CLUL1: variants seen among roughly 807,000 people sequenced by gnomAD.
CLUL1 encodes the protein clusterin-like protein 1.
CLUL1 carries 43 observed loss-of-function variants against 49.4 expected under a neutral mutation model. That is an observed-to-expected ratio of 0.87 (90% CI 0.68 to 1.12). The LOEUF is 1.12. Among genes scored for constraint, CLUL1 ranks in the 50% most tolerant of loss-of-function variants. The pLI, the probability that CLUL1 is intolerant of heterozygous loss-of-function variation, is 0.00. For missense variants in CLUL1, 486 were observed against 544.4 expected (o/e 0.89, Z 1.07); for synonymous variants, 192 against 184.9 (o/e 1.04, Z -0.31).
intron 2 of CLUL1, among the ~76,000 whole-genome samples, chr18:617,787 C>A (rs2073344928): frequency 6.6e-6 from 1 of 151,730 alleles, no homozygotes. Context: ...GAGTTTAAAC[C>A]AAATAGGGAC....
chr18:627,329 C>T lies in CLUL1; in HGVS notation c.656C>T (p.Ser219Leu). The change falls in exon 6 of 10, where the codon TCA becomes TTA. Residue 219 changes from serine (S) to leucine (L), a missense_variant. By Grantham distance (145) the Ser-to-Leu change is moderately radical. Transcript: ENST00000692774. ...CAGACTTTTCAATCACATTTCATATCAGATACAGACCTAACTGAGCCTTAC... is the reference window on the plus strand; with the variant it reads ...CAGACTTTTCAATCACATTTCATATTAGATACAGACCTAACTGAGCCTTAC... ...FDQTFQSHFI[S>L]DTDLTEPYFF... The T allele has an allele frequency of 2.5e-6, 4 of 1,614,026 alleles. No homozygotes were observed. The highest frequency in any genetic ancestry group is 3.4e-6 in the Non-Finnish European group (4 of 1,179,964).
chr18:639,148 C>T lies in CLUL1; in HGVS notation c.995-2179C>T, dbSNP rs184700799. ...AACTTAAAAACATGCTTCATACAGC[C>T]GGGTGTGGTGGCTCATGCCTGTAAT... On this transcript the variant is annotated intron_variant, in intron 7 of 9. Transcript: ENST00000692774. Among the ~76,000 whole-genome samples, 362 of 152,004 alleles carry T rather than the reference C, an allele frequency of 2.4e-3. 1 individual carries two copies. The highest frequency in any genetic ancestry group is 8.0e-3 in the African/African-American group (333 of 41,446).
chr18:625,164 T>C, intron 5 of CLUL1, 132 bp downstream of exon 5: 1 of 853,376 alleles, frequency 1.2e-6, no homozygotes, highest in Non-Finnish European at 1.8e-6. Flanking sequence ...TTCTAGAATC[T>C]AATACTAATG....
intron 3 of CLUL1, 87 bp from the exon 4 acceptor site, chr18:619,126 T>C: frequency 7.8e-7 from 1 of 1,289,326 alleles, no homozygotes; most frequent in Admixed American, 2.2e-5. Flanking sequence ...CAATTAAGCC[T>C]CTCTTTTGGA....
chr18:598,935 G>T (rs2072739047), intron 1 of CLUL1, among the ~76,000 whole-genome samples: 1 of 151,864 alleles, frequency 6.6e-6, no homozygotes, highest in African/African-American at 2.4e-5. Flanking sequence ...GTCCATTGTT[G>T]TCTGTTAACA....
At chr18:646,895 G>A (rs11665409) in intron 9 of CLUL1, among the ~76,000 whole-genome samples, 20,825 of 151,558 alleles carry the variant, frequency 0.14, 1,726 homozygotes, top group East Asian at 0.26. Context: ...GATTACAGGC[G>A]CACACCACCA....
chr18:637,082 G>A (rs142572432), intron 7 of CLUL1, among the ~76,000 whole-genome samples: 16,464 of 151,220 alleles, frequency 0.11, 1,127 homozygotes, highest in African/African-American at 0.19. Context: ...CGCCTTCTGG[G>A]TTCATGCCAT....
At chr18:629,137 C>T (rs1839491037) in intron 6 of CLUL1, among the ~76,000 whole-genome samples, 1 of 152,152 alleles carries the variant, frequency 6.6e-6, no homozygotes, top group African/African-American at 2.4e-5. Context: ...GTTCCATGAA[C>T]AGAGAACAGC....
rs781730115 is a variant in CLUL1 at position 618,000 on chromosome 18, C to T, written c.-1C>T. On this transcript the variant is annotated 5_prime_UTR_variant, in exon 3 of 10. Coordinates refer to ENST00000692774, the MANE Select transcript of CLUL1 (RefSeq NM_001393344.1). The stretch of plus-strand genomic sequence containing the variant: ...TTTTCCTTTGCAGTAACAGCGGGAA[C>T]ATGAAGCCGCCACTCTTGGTGTTTA... 4 of 1,613,904 alleles carry T rather than the reference C, an allele frequency of 2.5e-6. No homozygotes were observed. Among genetic ancestry groups the T allele is most frequent in the South Asian group, 1.1e-5 (1 of 91,040 alleles).
chr18:608,030 C>T (rs1220473412), intron 2 of CLUL1, among the ~76,000 whole-genome samples: 3 of 152,270 alleles, frequency 2.0e-5, no homozygotes, highest in Non-Finnish European at 2.9e-5. Context: ...GATGAACTGC[C>T]GTCCCGCCAC....
intron 4 of CLUL1, 127 bp downstream of exon 4, chr18:619,488 G>C (rs556527810): frequency 3.3e-6 from 3 of 911,842 alleles, no homozygotes; most frequent in South Asian, 4.8e-5. Flanking sequence ...GCTTTTATTT[G>C]AGGAAAAGTT....
intron 1 of CLUL1, among the ~76,000 whole-genome samples, chr18:601,760 G>A (rs1028072560): frequency 6.6e-6 from 1 of 152,022 alleles, no homozygotes; most frequent in African/African-American, 2.4e-5. Context: ...AGTGGGACGA[G>A]ATCGTGCCAC....
intron 9 of CLUL1, among the ~76,000 whole-genome samples, chr18:645,844 T>A (rs2074488793): frequency 3.5e-5 from 4 of 115,702 alleles, no homozygotes; most frequent in Admixed American, 9.3e-5. Context: ...TATATATATA[T>A]ATATATATGT....
chr18:597,150 C>T (rs947321044), intron 1 of CLUL1, 21 bp downstream of exon 1: 2 of 152,866 alleles, frequency 1.3e-5, no homozygotes, highest in African/African-American at 2.4e-5. Flanking sequence ...CCTCCGGGCC[C>T]CAGATTTCTC....
intron 8 of CLUL1, among the ~76,000 whole-genome samples, chr18:644,009 T>C (rs956122778): frequency 6.6e-6 from 1 of 152,210 alleles, no homozygotes; most frequent in Non-Finnish European, 1.5e-5. Context: ...TATTTCACCA[T>C]GTAAAGAAAA....
At chr18:615,221 T>C (rs552137481) in intron 2 of CLUL1, among the ~76,000 whole-genome samples, 87 of 152,286 alleles carry the variant, frequency 5.7e-4, no homozygotes, top group African/African-American at 2.0e-3. Flanking sequence ...AAGAACAAAA[T>C]GGCAGCTGTG....
At chr18:631,575 G>A (rs2073995702) in intron 6 of CLUL1, among the ~76,000 whole-genome samples, 1 of 152,142 alleles carries the variant, frequency 6.6e-6, no homozygotes, top group Non-Finnish European at 1.5e-5. Context: ...CTGCAGGATG[G>A]GGAATTAGTG....
chr18:625,016 C>T lies in CLUL1; in HGVS notation c.407C>T (p.Ser136Phe). ...RIYTTCQPSWSSVKNKIERFF... is the reference protein window; with the variant it reads ...RIYTTCQPSWFSVKNKIERFF... ...TATACAACCTGCCAACCTAGCTGGT[C>T]CTCTGTGAAAAATAAGGTAAGAGAA... Residue 136 changes from serine (S) to phenylalanine (F), a missense_variant, in exon 5 of 10, where the codon TCC (serine) becomes TTC (phenylalanine). Coordinates refer to ENST00000692774, the MANE Select transcript of CLUL1 (RefSeq NM_001393344.1). The T allele has an allele frequency of 6.2e-7, 1 of 1,613,998 alleles. No individual in the cohort carries two copies. Among genetic ancestry groups the T allele is most frequent in the South Asian group, 1.1e-5 (1 of 91,050 alleles).
At chr18:626,893 A>C (rs796392509) in intron 5 of CLUL1, among the ~76,000 whole-genome samples, 1 of 26,916 alleles carries the variant, frequency 3.7e-5, no homozygotes, top group African/African-American at 1.9e-4. Context: ...GAAAGAAAGA[A>C]AGAAAGAAAG....
Sources: gnomAD v4.1 joint callset for allele counts (sites outside exome capture counted in the v4.1 genomes callset) on GRCh38, gnomAD v4.1.1 for gene constraint, MANE v1.5 for transcripts, NCBI Gene and HGNC (gene_info 2026-07-23, HGNC 2026-07-21) for gene names.